ROBO2: variants seen among roughly 807,000 people sequenced by gnomAD.
ROBO2 encodes roundabout guidance receptor 2, also known as roundabout homolog 2.
ROBO2 carries 53 observed loss-of-function variants against 160.8 expected under a neutral mutation model. The ratio of observed to expected loss-of-function variants is 0.33; its 90% confidence interval spans 0.26 to 0.41. ROBO2 has a LOEUF of 0.41. Ranked by LOEUF, ROBO2 falls within the 10% of genes least tolerant of loss-of-function variation. The pLI is 1.00. For synonymous variants in ROBO2, 664 were observed against 611.7 expected (o/e 1.09, Z -1.26); for missense variants, 1,577 against 1,722.4 (o/e 0.92, Z 1.49).
chr3:77,124,428 G>A (rs1359975332), intron 2 of ROBO2, among the ~76,000 whole-genome samples: 1 of 152,160 alleles, frequency 6.6e-6, no homozygotes, highest in Admixed American at 6.5e-5. Context: ...TTCATGAGGA[G>A]CCTGGGTTAG....
At chr3:76,662,133 G>A (rs1431852674) in intron 2 of ROBO2, among the ~76,000 whole-genome samples, 1 of 152,102 alleles carries the variant, frequency 6.6e-6, no homozygotes, top group Admixed American at 6.6e-5. Flanking sequence ...GCCTGAACTA[G>A]TTTTTAAGTT....
At chr3:77,006,850 C>T (rs1192494267) in intron 2 of ROBO2, among the ~76,000 whole-genome samples, 2 of 151,794 alleles carry the variant, frequency 1.3e-5, no homozygotes, top group Non-Finnish European at 2.9e-5. Context: ...AAAAACTGCT[C>T]AATATATTAG....
intron 2 of ROBO2, among the ~76,000 whole-genome samples, chr3:76,704,589 T>C (rs1350987062): frequency 1.3e-5 from 2 of 152,142 alleles, no homozygotes; most frequent in Non-Finnish European, 2.9e-5. Context: ...AAGTACCATA[T>C]ATCATTATGC....
At chr3:76,031,206 T>G (rs11875360) in intron 2 of ROBO2, among the ~76,000 whole-genome samples, 1 of 152,222 alleles carries the variant, frequency 6.6e-6, no homozygotes, top group African/African-American at 2.4e-5. Flanking sequence ...TTTTTGCACA[T>G]TGATTTTGTA....
chr3:76,977,142 A>G (rs1256452006), intron 2 of ROBO2, among the ~76,000 whole-genome samples: 2 of 152,196 alleles, frequency 1.3e-5, no homozygotes, highest in Non-Finnish European at 2.9e-5. Flanking sequence ...AAGTTAAACT[A>G]TCCCAGTTAA....
At chr3:77,052,313 G>A (rs770659104) in intron 1 of ROBO2, among the ~76,000 whole-genome samples, 3 of 152,134 alleles carry the variant, frequency 2.0e-5, no homozygotes, top group Non-Finnish European at 4.4e-5. Flanking sequence ...TCCTTTTGGA[G>A]CCTGAGGGGA....
intron 2 of ROBO2, among the ~76,000 whole-genome samples, chr3:76,125,535 CA>C (rs1266771648): frequency 1.3e-5 from 2 of 152,074 alleles, no homozygotes; most frequent in Non-Finnish European, 2.9e-5. Context: ...TAACAACAGC[CA>C]TTCTGACTGG....
intron 2 of ROBO2, among the ~76,000 whole-genome samples, chr3:77,355,193 A>G (rs2068925449): frequency 4.6e-5 from 7 of 152,278 alleles, no homozygotes; most frequent in Admixed American, 6.5e-5. Flanking sequence ...TTACCCCAGG[A>G]GCTCTATCAC....
intron 2 of ROBO2, among the ~76,000 whole-genome samples, chr3:76,427,022 G>C (rs764726930): frequency 2.6e-5 from 4 of 152,106 alleles, no homozygotes; most frequent in South Asian, 2.1e-4. Context: ...TGAATATGTT[G>C]TGCCGTGCTA....
intron 2 of ROBO2, among the ~76,000 whole-genome samples, chr3:77,295,878 A>C (rs1332881880): frequency 4.7e-5 from 7 of 149,286 alleles, no homozygotes. Context: ...CCAGACACAA[A>C]GTAAAATTGA....
intron 2 of ROBO2, among the ~76,000 whole-genome samples, chr3:76,248,596 C>CT (rs1158368895): frequency 6.6e-6 from 1 of 150,698 alleles, no homozygotes; most frequent in Non-Finnish European, 1.5e-5. Context: ...ACATATGTAA[C>CT]TAACCTGCAC....
chr3:76,130,539 A>T (rs1334153497), intron 2 of ROBO2, among the ~76,000 whole-genome samples: 1 of 152,096 alleles, frequency 6.6e-6, no homozygotes, highest in Non-Finnish European at 1.5e-5. Flanking sequence ...CATATCACTG[A>T]TGCCATGCCA....
chr3:77,193,526 C>G (rs1348455883), intron 2 of ROBO2, among the ~76,000 whole-genome samples: 3 of 150,216 alleles, frequency 2.0e-5, no homozygotes, highest in African/African-American at 7.3e-5. Context: ...TCAAGTGATT[C>G]CAACAGATAA....
intron 2 of ROBO2, among the ~76,000 whole-genome samples, chr3:77,258,092 A>C (rs1197610365): frequency 6.6e-6 from 1 of 152,258 alleles, no homozygotes; most frequent in Non-Finnish European, 1.5e-5. Context: ...TGTGAATGAA[A>C]ATACAGTGGG....
chr3:77,304,791 T>C (rs1362623095), intron 2 of ROBO2, among the ~76,000 whole-genome samples: 2 of 152,210 alleles, frequency 1.3e-5, no homozygotes, highest in African/African-American at 4.8e-5. Context: ...GCATGAGAGA[T>C]ACAGTGTGTG....
chr3:77,315,396 C>A (rs2063891243), intron 2 of ROBO2, among the ~76,000 whole-genome samples: 1 of 152,194 alleles, frequency 6.6e-6, no homozygotes, highest in African/African-American at 2.4e-5. Flanking sequence ...TCCAACAAGT[C>A]TGGGCTTTAC....
chr3:76,617,045 A>G (rs2109170617), intron 2 of ROBO2, among the ~76,000 whole-genome samples: 1 of 152,272 alleles, frequency 6.6e-6, no homozygotes, highest in South Asian at 2.1e-4. Context: ...AGTGTGGCCC[A>G]GGGCATTGGA....
At chr3:76,452,334 C>A (rs948971312) in intron 2 of ROBO2, among the ~76,000 whole-genome samples, 2 of 152,112 alleles carry the variant, frequency 1.3e-5, no homozygotes, top group South Asian at 2.1e-4. Flanking sequence ...CCCTTCCCCC[C>A]ACACAACAGT....
intron 1 of ROBO2, among the ~76,000 whole-genome samples, chr3:77,063,796 T>G (rs553872963): frequency 6.6e-6 from 1 of 152,348 alleles, no homozygotes; most frequent in African/African-American, 2.4e-5. Context: ...CAGCCAAAAC[T>G]ACTGGTTTCC....
Sources: allele counts gnomAD v4.1 joint callset (sites outside exome capture counted in the v4.1 genomes callset), GRCh38; gene constraint gnomAD v4.1.1; transcripts MANE v1.5; gene names NCBI Gene and HGNC (gene_info 2026-07-23, HGNC 2026-07-21).